The following CSMD1 variants were observed in gnomAD, a reference collection of about 807,000 sequenced individuals.
CSMD1 encodes CUB and Sushi multiple domains 1.
A neutral mutation model predicts 417.5 loss-of-function variants in CSMD1; 213 were observed. The observed-to-expected ratio is 0.51, with a 90% CI of 0.46 to 0.57. The LOEUF is 0.57. Among genes scored for constraint, CSMD1 ranks in the 20% least tolerant of loss-of-function variants. The pLI, the probability that CSMD1 is intolerant of heterozygous loss-of-function variation, is 0.00. For synonymous variants in CSMD1, 2,862 were observed against 1,736.8 expected (o/e 1.65, Z -16.11); for missense variants, 6,923 against 4,529.7 (o/e 1.53, Z -15.17).
chr8:3,499,564 G>A (rs940266017), intron 10 of CSMD1, among the ~76,000 whole-genome samples: 2 of 152,068 alleles, frequency 1.3e-5, no homozygotes, highest in African/African-American at 2.4e-5. Context: ...CCTGCAAGAG[G>A]CATATATCCA....
intron 1 of CSMD1, among the ~76,000 whole-genome samples, chr8:4,736,159 T>A (rs1045579769): frequency 6.6e-6 from 1 of 152,176 alleles, no homozygotes; most frequent in Non-Finnish European, 1.5e-5. Flanking sequence ...GTCACCCTAA[T>A]GCTTTCAAAT....
intron 2 of CSMD1, among the ~76,000 whole-genome samples, chr8:4,598,129 T>C (rs962940093): frequency 5.3e-5 from 8 of 152,178 alleles, no homozygotes; most frequent in Non-Finnish European, 1.0e-4. Flanking sequence ...TGTATCTCTT[T>C]ACAAATCCCA....
At chr8:3,710,159 T>C (rs540024713) in intron 6 of CSMD1, among the ~76,000 whole-genome samples, 1 of 152,268 alleles carries the variant, frequency 6.6e-6, no homozygotes, top group South Asian at 2.1e-4. Flanking sequence ...CTATAAGAGT[T>C]GTCTGCAAGT....
At chr8:4,367,899 T>G (rs1220023083) in intron 3 of CSMD1, among the ~76,000 whole-genome samples, 1 of 152,182 alleles carries the variant, frequency 6.6e-6, no homozygotes, top group African/African-American at 2.4e-5. Flanking sequence ...CGTACATTAT[T>G]TTGTATCCTG....
intron 1 of CSMD1, among the ~76,000 whole-genome samples, chr8:4,699,458 A>T (rs186933781): frequency 6.6e-6 from 1 of 152,176 alleles, no homozygotes; most frequent in Admixed American, 6.5e-5. Context: ...CATATTCTAT[A>T]AAGTTTTCCC....
intron 37 of CSMD1, among the ~76,000 whole-genome samples, chr8:3,165,393 T>C (rs950879957): frequency 1.3e-5 from 2 of 152,014 alleles, no homozygotes; most frequent in Non-Finnish European, 2.9e-5. Context: ...CAAGTCATCA[T>C]GAGAACAGTG....
intron 3 of CSMD1, among the ~76,000 whole-genome samples, chr8:4,384,531 T>C (rs1251055771): frequency 1.3e-5 from 2 of 152,232 alleles, no homozygotes; most frequent in Non-Finnish European, 2.9e-5. Flanking sequence ...CTTTATTCAA[T>C]ACTTTATGAA....
At chr8:4,102,386 C>T (rs944004708) in intron 3 of CSMD1, among the ~76,000 whole-genome samples, 96 of 152,118 alleles carry the variant, frequency 6.3e-4, no homozygotes, top group African/African-American at 2.1e-3. Context: ...TTGGTAACTT[C>T]GTAAGGTTAA....
At chr8:4,790,557 C>T (rs1376528406) in intron 1 of CSMD1, among the ~76,000 whole-genome samples, 4 of 152,144 alleles carry the variant, frequency 2.6e-5, no homozygotes, top group African/African-American at 4.8e-5. Flanking sequence ...AAGCTGGAAG[C>T]ATCACACAGC....
At position 4,424,057 on chromosome 8, in the gene CSMD1, C is replaced by T. The variant is rs536256253; in HGVS notation, c.303-3992G>A. On this transcript the variant is annotated intron_variant, in intron 2 of 69. Coordinates refer to ENST00000635120, the MANE Select transcript of CSMD1 (RefSeq NM_033225.6). ...ATAAAAATTACCTCAATGTGGATTA[C>T]AAATATAAATGTAAAATGTAAAGCA... is the stretch of plus-strand genomic sequence containing the variant. Among the ~76,000 whole-genome samples the T allele has an allele frequency of 1.5e-3, 230 of 151,718 alleles. 1 individual carries two copies. Among genetic ancestry groups the T allele is most frequent in the African/African-American group, 4.9e-3 (203 of 41,378 alleles).
intron 55 of CSMD1, among the ~76,000 whole-genome samples, 200 bp downstream of exon 55, chr8:2,978,412 C>T (rs556835913): frequency 1.4e-4 from 22 of 152,264 alleles, no homozygotes; most frequent in Middle Eastern, 3.4e-3. Context: ...CAGCATCCCC[C>T]GACCCTTCAA....
intron 2 of CSMD1, among the ~76,000 whole-genome samples, chr8:4,450,835 A>C (rs556919256): frequency 6.6e-6 from 1 of 152,170 alleles, no homozygotes; most frequent in Non-Finnish European, 1.5e-5. Context: ...ACTTGTGAGT[A>C]AGGGTGGTGG....
chr8:3,591,049 C>T (rs1043700119), intron 8 of CSMD1, among the ~76,000 whole-genome samples: 13 of 152,148 alleles, frequency 8.5e-5, no homozygotes, highest in African/African-American at 3.1e-4. Context: ...GCTAGCAGTG[C>T]CTTTCTATTG....
At chr8:3,365,440 T>C in intron 20 of CSMD1, among the ~76,000 whole-genome samples, 1 of 152,232 alleles carries the variant, frequency 6.6e-6, no homozygotes, top group East Asian at 1.9e-4. Flanking sequence ...CACTAGTTAG[T>C]AGGCAATTGT....
intron 18 of CSMD1, among the ~76,000 whole-genome samples, chr8:3,372,455 C>G (rs562179011): frequency 6.6e-6 from 1 of 152,082 alleles, no homozygotes; most frequent in Non-Finnish European, 1.5e-5. Flanking sequence ...AGAGAATACA[C>G]AGTGGTGAAG....
chr8:4,397,521 CTCT>C (rs1563130964), intron 3 of CSMD1, among the ~76,000 whole-genome samples: 6 of 120,140 alleles, frequency 5.0e-5, no homozygotes, highest in Non-Finnish European at 8.4e-5. Flanking sequence ...AAGCCTGAGA[CTCT>C]TTTTTTTTTT....
intron 2 of CSMD1, among the ~76,000 whole-genome samples, chr8:4,523,425 C>G (rs1375105468): frequency 1.3e-5 from 2 of 152,072 alleles, no homozygotes; most frequent in East Asian, 3.9e-4. Context: ...ATTAAGTACA[C>G]TGGTTCAGAA....
intron 5 of CSMD1, among the ~76,000 whole-genome samples, chr8:3,881,623 C>A (rs199828734): frequency 0.11 from 13,731 of 124,252 alleles, 877 homozygotes; most frequent in Middle Eastern, 0.18. Flanking sequence ...AAAAAAAAAA[C>A]AAAAACAAAA....
At chr8:3,078,042 A>T (rs543027236) in intron 49 of CSMD1, among the ~76,000 whole-genome samples, 1 of 152,152 alleles carries the variant, frequency 6.6e-6, no homozygotes, top group Non-Finnish European at 1.5e-5. Flanking sequence ...TGAGTATTCC[A>T]TGTCAGGTTT....
Sources: allele counts gnomAD v4.1 joint callset (sites outside exome capture counted in the v4.1 genomes callset), GRCh38; gene constraint gnomAD v4.1.1; transcripts MANE v1.5; gene names NCBI Gene and HGNC (gene_info 2026-07-23, HGNC 2026-07-21).